Variants in SUSD1 observed in about 807,000 individuals in gnomAD.
SUSD1 encodes the protein sushi domain containing 1.
SUSD1 carries 65 observed loss-of-function variants against 86.9 expected under a neutral mutation model. That is an observed-to-expected ratio of 0.75 (90% CI 0.61 to 0.92). The LOEUF is 0.92. SUSD1 is among the 40% of genes least tolerant of loss of function. The probability of loss-of-function intolerance (pLI) is 0.00; values close to 1 mark genes in which losing one functional copy is unlikely to be tolerated. For missense variants in SUSD1, 850 were observed against 929.7 expected (o/e 0.91, Z 1.11); for synonymous variants, 346 against 350.0 (o/e 0.99, Z 0.13).
rs1829336196 is a variant in SUSD1, at chr9:112,072,687, G to C, written c.1753+5851C>G. ...CCATTTACTTGGGGGCTTGGGGTTT[G>C]TTTTGAAGCTAGAAAGCAGTTGGGA... On this transcript the variant is annotated intron_variant, in intron 12 of 16. Coordinates refer to ENST00000374270, the MANE Select transcript of SUSD1 (RefSeq NM_022486.5). 5.9e-5 allele frequency among the ~76,000 whole-genome samples: 9 copies of C among 152,208 alleles called. No individual in the cohort carries two copies. In the South Asian group the frequency reaches 1.9e-3, roughly 31 times the overall value.
intron 12 of SUSD1, among the ~76,000 whole-genome samples, chr9:112,071,543 T>G (rs1270103871): frequency 6.6e-6 from 1 of 152,116 alleles, no homozygotes. Flanking sequence ...ATATCACTAA[T>G]GAAGGTAAAC....
chr9:112,141,818 AAT>A (rs1418492599), intron 5 of SUSD1, among the ~76,000 whole-genome samples: 11 of 141,640 alleles, frequency 7.8e-5, no homozygotes, highest in East Asian at 4.0e-4. Flanking sequence ...TATTATATAT[AAT>A]ATATGTTATT....
At chr9:112,042,889 A>G (rs1485950913) in intron 15 of SUSD1, among the ~76,000 whole-genome samples, 1 of 152,190 alleles carries the variant, frequency 6.6e-6, no homozygotes, top group African/African-American at 2.4e-5. Context: ...AAAACCAGCC[A>G]TAGAATACAC....
At chr9:112,078,809 C>CTATT in intron 11 of SUSD1, 85 bp from the exon 12 acceptor site, 6 of 829,684 alleles carry the variant, frequency 7.2e-6, no homozygotes, top group Non-Finnish European at 8.6e-6. Flanking sequence ...CTTTTTCTTT[C>CTATT]TCTTTTTTTT....
chr9:112,068,060 T>C (rs1374927451), intron 12 of SUSD1, among the ~76,000 whole-genome samples: 1 of 152,196 alleles, frequency 6.6e-6, no homozygotes, highest in Non-Finnish European at 1.5e-5. Flanking sequence ...GCAGGCTCTG[T>C]GCTAGGCTGG....
chr9:112,148,631 G>T (rs1244719042), intron 3 of SUSD1, among the ~76,000 whole-genome samples: 2 of 152,146 alleles, frequency 1.3e-5, no homozygotes, highest in African/African-American at 4.8e-5. Flanking sequence ...GATCAGGCCA[G>T]GTGCAGTGGC....
intron 3 of SUSD1, among the ~76,000 whole-genome samples, chr9:112,145,402 C>A (rs1832767575): frequency 6.6e-6 from 1 of 151,294 alleles, no homozygotes; most frequent in South Asian, 2.1e-4. Flanking sequence ...GCCTCAGCCT[C>A]CTGAGTAGCT....
intron 12 of SUSD1, among the ~76,000 whole-genome samples, chr9:112,077,656 C>T (rs112809964): frequency 6.6e-6 from 1 of 151,438 alleles, no homozygotes; most frequent in Admixed American, 6.6e-5. Flanking sequence ...AGGCACCTGA[C>T]ACCACACCCA....
chr9:112,045,431 G>A (rs1331142188), intron 15 of SUSD1, among the ~76,000 whole-genome samples: 1 of 152,166 alleles, frequency 6.6e-6, no homozygotes, highest in Non-Finnish European at 1.5e-5. Flanking sequence ...GATATCAACT[G>A]TGCATAGCCA....
chr9:112,055,262 T>C (rs1828398047), intron 14 of SUSD1, among the ~76,000 whole-genome samples: 1 of 152,028 alleles, frequency 6.6e-6, no homozygotes, highest in African/African-American at 2.4e-5. Context: ...CCTGTCTCTA[T>C]GAAAAATGGA....
At chr9:112,159,215 T>C (rs1022955728) in intron 1 of SUSD1, among the ~76,000 whole-genome samples, 1 of 152,166 alleles carries the variant, frequency 6.6e-6, no homozygotes, top group South Asian at 2.1e-4. Context: ...TGTGTTTCAC[T>C]CTCAGTGCCT....
At chr9:112,062,914 G>A (rs531430362) in intron 13 of SUSD1, 23 bp downstream of exon 13, 27 of 1,518,466 alleles carry the variant, frequency 1.8e-5, no homozygotes, top group South Asian at 6.8e-5. Context: ...CTGGGCAACC[G>A]TGGAGAAAGG....
intron 2 of SUSD1, among the ~76,000 whole-genome samples, chr9:112,152,133 G>C (rs1479408007): frequency 6.6e-6 from 1 of 151,274 alleles, no homozygotes; most frequent in African/African-American, 2.4e-5. Context: ...AACCCAGGAG[G>C]CGGAGGTTGC....
intron 14 of SUSD1, among the ~76,000 whole-genome samples, chr9:112,053,863 G>A (rs1828332892): frequency 6.6e-6 from 1 of 152,162 alleles, no homozygotes; most frequent in East Asian, 1.9e-4. Flanking sequence ...AGAAAGATGT[G>A]GTAGAAAAGT....
chr9:112,078,019 T>TC (rs1335546405), intron 12 of SUSD1, among the ~76,000 whole-genome samples: 1 of 151,648 alleles, frequency 6.6e-6, no homozygotes, highest in East Asian at 1.9e-4. Context: ...CCCACAGACC[T>TC]CCCCTGTGGT....
intron 12 of SUSD1, among the ~76,000 whole-genome samples, chr9:112,064,046 T>TGGGGGGG (rs58850509): frequency 8.9e-5 from 7 of 78,572 alleles, no homozygotes; most frequent in African/African-American, 1.6e-4. Flanking sequence ...TTTCTTTTTT[T>TGGGGGGG]GGGGGGGGGG....
chr9:112,098,471 T>TG lies in SUSD1; in HGVS notation c.1472dup (p.Val492SerfsTer7). The TG allele has an allele frequency of 6.2e-7, 1 of 1,613,866 alleles. No homozygotes were observed. Among genetic ancestry groups the TG allele is most frequent in the African/African-American group, 1.3e-5 (1 of 75,050 alleles). On this transcript the variant is annotated frameshift_variant and splice_region_variant, in exon 10 of 17. Coordinates refer to ENST00000374270, the MANE Select transcript of SUSD1 (RefSeq NM_022486.5). LOFTEE classifies it high-confidence loss of function. ...AAAAAGAAAGACGTCTACACCCACC[T>TG]GCTGGGGGAGTTGCTATTGTTATTT...
At chr9:112,118,488 T>C (rs1219450877) in intron 6 of SUSD1, among the ~76,000 whole-genome samples, 2 of 152,220 alleles carry the variant, frequency 1.3e-5, no homozygotes, top group Non-Finnish European at 2.9e-5. Flanking sequence ...ACGCGAATAC[T>C]TTTTTTCTTT....
chr9:112,111,196 G>A (rs922277459), intron 8 of SUSD1, among the ~76,000 whole-genome samples: 1 of 152,112 alleles, frequency 6.6e-6, no homozygotes, highest in Admixed American at 6.6e-5. Flanking sequence ...GTTTTGCCAT[G>A]TTGGCCAGGC....
Sources: gnomAD v4.1 joint callset for allele counts (sites outside exome capture counted in the v4.1 genomes callset) on GRCh38, gnomAD v4.1.1 for gene constraint, MANE v1.5 for transcripts, NCBI Gene and HGNC (gene_info 2026-07-23, HGNC 2026-07-21) for gene names.